Variants in DUS2 observed in about 807,000 individuals in gnomAD.
DUS2 encodes tRNA-dihydrouridine(20) synthase [NAD(P)+]-like.
A neutral mutation model predicts 71.3 loss-of-function variants in DUS2; 52 were observed. The observed-to-expected ratio is 0.73, with a 90% CI of 0.58 to 0.92. The LOEUF (loss-of-function observed/expected upper bound fraction) is 0.92, where lower values mean the gene tolerates loss of function less well. Ranked by LOEUF, DUS2 falls within the 40% of genes least tolerant of loss-of-function variation. DUS2 has a pLI of 0.00. For missense variants in DUS2, 558 were observed against 622.6 expected, an observed-to-expected ratio of 0.90 and a Z score of 1.10; for synonymous variants, 204 against 227.8, an observed-to-expected ratio of 0.90 and a Z score of 0.94.
chr16:68,065,985 G>T (rs2033999574), intron 8 of DUS2, among the ~76,000 whole-genome samples: 1 of 152,166 alleles, frequency 6.6e-6, no homozygotes, highest in South Asian at 2.1e-4. Context: ...CAGTTCTCCA[G>T]ATAATTCTGG....
intron 3 of DUS2, among the ~76,000 whole-genome samples, chr16:68,044,552 C>A (rs147924518): frequency 1.3e-5 from 2 of 151,748 alleles, no homozygotes; most frequent in South Asian, 4.2e-4. Context: ...TACTCCACCC[C>A]ACATGGCTAA....
In DUS2 at chr16:68,056,329, A is replaced by G. The variant is rs894968393; in HGVS notation, c.309-35A>G. The G allele has an allele frequency of 3.1e-6, 5 of 1,594,292 alleles. No homozygotes were observed. In the Admixed American group the frequency reaches 8.4e-5, roughly 27 times the overall value. ...ATTTCACCTTCTTTGCTCTAATTCAATACTTATTACCTTTACTCCTTCATC... is the reference window on the plus strand; with the variant it reads ...ATTTCACCTTCTTTGCTCTAATTCAGTACTTATTACCTTTACTCCTTCATC... On this transcript the variant is annotated intron_variant, in intron 6 of 16. Coordinates refer to ENST00000565263, the MANE Select transcript of DUS2 (RefSeq NM_017803.5).
At chr16:68,069,924 T>C (rs2034059780) in intron 10 of DUS2, among the ~76,000 whole-genome samples, 1 of 152,148 alleles carries the variant, frequency 6.6e-6, no homozygotes, top group East Asian at 1.9e-4. Context: ...ACTTGCCGTC[T>C]CAGCATGGAT....
intron 8 of DUS2, among the ~76,000 whole-genome samples, chr16:68,064,602 G>A (rs889036368): frequency 6.6e-6 from 1 of 152,216 alleles, no homozygotes; most frequent in Non-Finnish European, 1.5e-5. Context: ...GGACTAGAAT[G>A]AGAATTTTTA....
chr16:68,070,870 G>C, intron 11 of DUS2, 70 bp from the exon 12 acceptor site: 1 of 1,558,554 alleles, frequency 6.4e-7, no homozygotes, highest in Non-Finnish European at 8.8e-7. Context: ...AGATCTGAGA[G>C]CTGACTTTTT....
chr16:68,076,704 G>C lies in DUS2; in HGVS notation c.1155G>C (p.Gln385His). 1.2e-5 allele frequency: 19 copies of C among 1,613,984 alleles called. No individual in the cohort carries two copies. The highest frequency in any genetic ancestry group is 1.4e-5 in the Non-Finnish European group (17 of 1,179,894). ...LEWCRREKLA[Q>H]PVYETVQRPL... ...GGTGCCGGAGGGAGAAGTTGGCACA[G>C]CCTGTGTATGAAACGGTGAGTTCCT... Residue 385 changes from glutamine (Q) to histidine (H), a missense_variant, in exon 15 of 17, where the codon CAG becomes CAC. Gln to His is a conservative substitution (Grantham distance 24). Transcript: ENST00000565263.
intron 11 of DUS2, among the ~76,000 whole-genome samples, chr16:68,070,465 T>G (rs1005718298): frequency 7.2e-5 from 11 of 152,176 alleles, no homozygotes; most frequent in Admixed American, 5.9e-4. Flanking sequence ...CAGGGGGTCC[T>G]TGGAGCAGCA....
rs891088230 is a variant in DUS2, at chr16:68,071,310, A to C, written c.810+202A>C. ...ATGCTAAGAGAGGATGCTGGGGGGC[A>C]TACCCCTACCATCTCCTAAAGCTTC... On this transcript the variant is annotated intron_variant, in intron 12 of 16. Transcript: ENST00000565263. 2.6e-5 allele frequency among the ~76,000 whole-genome samples: 4 copies of C among 152,186 alleles called. No individual in the cohort carries two copies. The East Asian group carries it at 7.7e-4, about 29-fold the overall frequency.
At chr16:68,035,007 A>C (rs1037343784) in intron 2 of DUS2, among the ~76,000 whole-genome samples, 5 of 152,180 alleles carry the variant, frequency 3.3e-5, no homozygotes, top group African/African-American at 1.2e-4. Context: ...CTGTTTAAAA[A>C]AAAAACAAAA....
In DUS2 at chr16:68,057,039, A is replaced by AC. The variant is rs1598311128; in HGVS notation, c.369+615_369+616insC. Among the ~76,000 whole-genome samples the AC allele has an allele frequency of 9.0e-5, 12 of 132,736 alleles. No individual in the cohort carries two copies. In the East Asian group the frequency reaches 2.4e-3, roughly 27 times the overall value. The allele number at this position is 132,736 out of a possible 152,430, so 87.1% of individuals were successfully genotyped here. ...TTATATAATACATATAAATATATGT[A>AC]ATATATATTTATATATATATGTAAT... On this transcript the variant is annotated intron_variant, in intron 7 of 16. Coordinates refer to ENST00000565263, the MANE Select transcript of DUS2 (RefSeq NM_017803.5).
At chr16:68,066,254 G>C (rs1214070546) in intron 8 of DUS2, 63 bp from the exon 9 acceptor site, 1 of 1,476,668 alleles carries the variant, frequency 6.8e-7, no homozygotes, top group South Asian at 1.1e-5. Context: ...GAGTTAATTA[G>C]TACAGGCAGA....
chr16:68,025,740 T>C (rs926709749), intron 2 of DUS2, among the ~76,000 whole-genome samples: 3 of 152,080 alleles, frequency 2.0e-5, no homozygotes, highest in Non-Finnish European at 2.9e-5. Flanking sequence ...AACTTCTAAA[T>C]GTTTTCTGAG....
chr16:68,037,145 GC>G (rs2033542109), intron 2 of DUS2, among the ~76,000 whole-genome samples: 1 of 150,736 alleles, frequency 6.6e-6, no homozygotes, highest in Non-Finnish European at 1.5e-5. Context: ...ATTGAAAACT[GC>G]CAGAGCAGGG....
intron 7 of DUS2, among the ~76,000 whole-genome samples, chr16:68,060,556 C>T (rs1045745357): frequency 2.0e-5 from 3 of 152,194 alleles, no homozygotes; most frequent in Non-Finnish European, 4.4e-5. Flanking sequence ...TCAGGTAATC[C>T]ACCTGACTCA....
At chr16:68,042,683 T>C (rs2033648104) in intron 3 of DUS2, among the ~76,000 whole-genome samples, 1 of 151,708 alleles carries the variant, frequency 6.6e-6, no homozygotes, top group African/African-American at 2.4e-5. Context: ...CTAATTTTAT[T>C]TATTTATTTA....
At chr16:68,074,457 T>C (rs899096905) in intron 13 of DUS2, among the ~76,000 whole-genome samples, 1 of 152,150 alleles carries the variant, frequency 6.6e-6, no homozygotes, top group Non-Finnish European at 1.5e-5. Context: ...GAACCAGTGG[T>C]CAGGAGAATT....
chr16:68,029,139 G>A (rs1040381165), intron 2 of DUS2, among the ~76,000 whole-genome samples: 1 of 150,934 alleles, frequency 6.6e-6, no homozygotes, highest in Admixed American at 6.6e-5. Context: ...CAGGAGTTTG[G>A]GACTGCAGTG....
At position 68,066,694 on chromosome 16, in the gene DUS2, T is replaced by A. The variant is rs370618028; in HGVS notation, c.554+58T>A. 120 of 1,545,668 alleles carry A rather than the reference T, an allele frequency of 7.8e-5. No individual in the cohort carries two copies. The African/African-American group carries it at 1.6e-3, about 20-fold the overall frequency. On this transcript the variant is annotated intron_variant, in intron 10 of 16. Coordinates refer to ENST00000565263, the MANE Select transcript of DUS2 (RefSeq NM_017803.5). ...AGGTCCTAACCCATCTTAGTGATCC[T>A]TCCTTAATTGATCTGTCACCCCAAG... is the stretch of plus-strand genomic sequence containing the variant.
At chr16:68,060,409 G>A (rs940366897) in intron 7 of DUS2, among the ~76,000 whole-genome samples, 1 of 152,014 alleles carries the variant, frequency 6.6e-6, no homozygotes, top group East Asian at 1.9e-4. Context: ...CACCTCCTGG[G>A]TTCAAGCAAT....
Sources: gnomAD v4.1 joint callset for allele counts (sites outside exome capture counted in the v4.1 genomes callset) on GRCh38, gnomAD v4.1.1 for gene constraint, MANE v1.5 for transcripts, NCBI Gene and HGNC (gene_info 2026-07-23, HGNC 2026-07-21) for gene names.